Variants in CATSPERB observed in about 807,000 individuals in gnomAD.
The protein encoded by CATSPERB is catsper channel auxiliary subunit beta, also known as cation channel sperm-associated auxiliary subunit beta.
Under a neutral mutation model 128.3 loss-of-function variants are expected in CATSPERB, and 93 were observed. That is an observed-to-expected ratio of 0.72 (90% CI 0.61 to 0.86). The LOEUF is 0.86. Among genes scored for constraint, CATSPERB ranks in the 40% least tolerant of loss-of-function variants. The pLI is 0.00. For missense variants in CATSPERB, 1,153 were observed against 1,329.5 expected (o/e 0.87, Z 2.06); for synonymous variants, 381 against 448.8 (o/e 0.85, Z 1.91).
At chr14:91,686,149 C>T (rs1895371534) in intron 10 of CATSPERB, among the ~76,000 whole-genome samples, 1 of 152,136 alleles carries the variant, frequency 6.6e-6, no homozygotes, top group Non-Finnish European at 1.5e-5. Flanking sequence ...ATTATCTTCC[C>T]CTCACTCTTT....
rs79938259 is a variant in CATSPERB at position 91,589,775 on chromosome 14, A to G, written c.2821-106T>C. On this transcript the variant is annotated intron_variant, in intron 23 of 26. Transcript: ENST00000256343. Reference sequence around the variant, plus strand: ...ATATTGCCAATAGTTTGGCTGTTCAATGACATGTGCTCCTGAGGGGTTTCT... The same window carrying G: ...ATATTGCCAATAGTTTGGCTGTTCAGTGACATGTGCTCCTGAGGGGTTTCT... 3.4e-4 allele frequency: 340 copies of G among 1,014,046 alleles called. 2 individuals carry two copies. The African/African-American group carries it at 5.1e-3, about 15-fold the overall frequency. The allele number at this position is 1,014,046 out of a possible 1,614,324, so 62.8% of individuals were successfully genotyped here.
intron 22 of CATSPERB, among the ~76,000 whole-genome samples, chr14:91,596,416 G>A (rs1489293413): frequency 6.6e-6 from 1 of 152,060 alleles, no homozygotes; most frequent in Non-Finnish European, 1.5e-5. Context: ...TGTTAGCCAG[G>A]ATGGTCTCAA....
intron 10 of CATSPERB, among the ~76,000 whole-genome samples, chr14:91,684,909 G>A (rs1457229857): frequency 2.6e-5 from 4 of 151,880 alleles, no homozygotes; most frequent in African/African-American, 7.3e-5. Flanking sequence ...GAGCCACTGC[G>A]CTGACCGAGG....
intron 20 of CATSPERB, among the ~76,000 whole-genome samples, chr14:91,613,154 A>G (rs1893867055): frequency 6.6e-6 from 1 of 152,180 alleles, no homozygotes; most frequent in Admixed American, 6.5e-5. Flanking sequence ...TTAGAGATGT[A>G]TATTGAAGTA....
chr14:91,668,009 A>G (rs1165827776), intron 14 of CATSPERB, among the ~76,000 whole-genome samples: 1 of 152,212 alleles, frequency 6.6e-6, no homozygotes, highest in African/African-American at 2.4e-5. Context: ...ACTTCTACCG[A>G]GGACACCTGG....
At chr14:91,693,562 C>A in intron 7 of CATSPERB, 83 bp from the exon 8 acceptor site, 1 of 887,036 alleles carries the variant, frequency 1.1e-6, no homozygotes, top group South Asian at 1.4e-5. Flanking sequence ...AGAGTCCGTT[C>A]CAACTCCCTC....
chr14:91,594,229 A>G (rs1422305870), intron 22 of CATSPERB, among the ~76,000 whole-genome samples: 1 of 152,124 alleles, frequency 6.6e-6, no homozygotes, highest in Non-Finnish European at 1.5e-5. Flanking sequence ...TCACAAGGAC[A>G]AAAAACCAAA....
At position 91,659,861 on chromosome 14, in the gene CATSPERB, C is replaced by T; in HGVS notation, c.1408G>A (p.Gly470Arg). 1 of 1,606,152 alleles carries T rather than the reference C, an allele frequency of 6.2e-7. No homozygotes were observed. The highest frequency in any genetic ancestry group is 1.1e-5 in the South Asian group (1 of 89,084). Residue 470 changes from glycine to arginine, a missense_variant, in exon 15 of 27, where the codon GGA becomes AGA. By Grantham distance (125) the Gly-to-Arg change is moderately radical (BLOSUM62 -2). Coordinates refer to ENST00000256343, the MANE Select transcript of CATSPERB (RefSeq NM_024764.4). ...CCTGCCTTTGTCGAGTAAACCTTTC[C>T]ACGTTGAGAAACAAAAGTAATAGCT... ...TSAITFVSQR[G>R]KVYSTKAGMG... is the part of the protein sequence containing the mutation.
At chr14:91,717,298 A>G (rs551786050) in intron 5 of CATSPERB, among the ~76,000 whole-genome samples, 1 of 152,310 alleles carries the variant, frequency 6.6e-6, no homozygotes, top group Non-Finnish European at 1.5e-5. Context: ...TCACGGTTGT[A>G]TACATTTGTC....
chr14:91,589,582 A>G lies in CATSPERB; in HGVS notation c.2908T>C (p.Tyr970His). 1.2e-6 allele frequency: 2 copies of G among 1,614,050 alleles called. No individual in the cohort carries two copies. Among genetic ancestry groups the G allele is most frequent in the Non-Finnish European group, 1.7e-6 (2 of 1,179,902 alleles). Residue 970 changes from tyrosine to histidine, a missense_variant, in exon 24 of 27, where the codon TAT (tyrosine) becomes CAT (histidine). Transcript: ENST00000256343. ...EDGRVPLQSP[Y>H]LVTVTEVNMR... ...TTCACTTCAGTCACAGTAACCAGAT[A>G]TGGAGATTGCAATGGGACACGTCCA...
intron 18 of CATSPERB, among the ~76,000 whole-genome samples, chr14:91,622,664 T>C (rs528690768): frequency 1.4e-4 from 22 of 152,296 alleles, no homozygotes; most frequent in Admixed American, 1.2e-3. Context: ...TTGCCTTAAT[T>C]ATGCACACAT....
At chr14:91,653,674 T>C (rs960016479) in intron 15 of CATSPERB, among the ~76,000 whole-genome samples, 1 of 152,134 alleles carries the variant, frequency 6.6e-6, no homozygotes, top group Non-Finnish European at 1.5e-5. Context: ...ATCATGAGAA[T>C]AGCACAGGAA....
intron 5 of CATSPERB, chr14:91,715,229 A>C (rs887226931): frequency 2.0e-5 from 3 of 152,154 alleles, no homozygotes. Flanking sequence ...GGAGAGACAC[A>C]GTGTCTTCAT....
At chr14:91,690,935 A>C (rs1895458875) in intron 10 of CATSPERB, among the ~76,000 whole-genome samples, 1 of 152,258 alleles carries the variant, frequency 6.6e-6, no homozygotes, top group Non-Finnish European at 1.5e-5. Flanking sequence ...GTGGTTTTCC[A>C]ACCGAAGCAT....
At chr14:91,606,517 C>T (rs1893707252) in intron 22 of CATSPERB, among the ~76,000 whole-genome samples, 3 of 152,206 alleles carry the variant, frequency 2.0e-5, no homozygotes, top group Admixed American at 2.0e-4. Flanking sequence ...GAGCTGAGAT[C>T]ACGCCACTGC....
chr14:91,651,660 G>A (rs1046466653), intron 15 of CATSPERB, among the ~76,000 whole-genome samples: 5 of 152,162 alleles, frequency 3.3e-5, no homozygotes, highest in Non-Finnish European at 5.9e-5. Flanking sequence ...GCAAGCAAGG[G>A]CTTCACAATT....
chr14:91,707,644 G>GCTGGAATA (rs1895757165), intron 6 of CATSPERB, among the ~76,000 whole-genome samples: 1 of 119,742 alleles, frequency 8.4e-6, no homozygotes, highest in Non-Finnish European at 1.6e-5. Context: ...TGTTGCCCAG[G>GCTGGAATA]CTGGAATACA....
intron 15 of CATSPERB, among the ~76,000 whole-genome samples, chr14:91,657,276 G>A (rs912049343): frequency 2.0e-5 from 3 of 152,072 alleles, no homozygotes; most frequent in African/African-American, 7.2e-5. Context: ...TAGAACATAT[G>A]TTAGGCCATC....
At position 91,636,101 on chromosome 14, in the gene CATSPERB, A is replaced by T. The variant is rs147787350; in HGVS notation, c.1742+324T>A. Reference sequence around the variant, plus strand: ...CTATTGGCCAGCTGCAGTGGCTCACACTTGTAACCTCAGCAGTTTGGGAAG... The same window carrying T: ...CTATTGGCCAGCTGCAGTGGCTCACTCTTGTAACCTCAGCAGTTTGGGAAG... On this transcript the variant is annotated intron_variant, in intron 17 of 26. Transcript: ENST00000256343. 294 of 221,960 alleles carry T rather than the reference A, an allele frequency of 1.3e-3. 1 individual carries two copies. In the Middle Eastern group the frequency reaches 0.022, roughly 16 times the overall value. 13.7% of individuals were successfully genotyped at this position (221,960 alleles called of 1,614,324 possible).
Sources: allele counts gnomAD v4.1 joint callset (sites outside exome capture counted in the v4.1 genomes callset), GRCh38; gene constraint gnomAD v4.1.1; transcripts MANE v1.5; gene names NCBI Gene and HGNC (gene_info 2026-07-23, HGNC 2026-07-21).